Variants in PLCB1 observed in about 807,000 individuals in gnomAD.
PLCB1 encodes the protein 1-phosphatidylinositol 4,5-bisphosphate phosphodiesterase beta-1.
In PLCB1, 46 loss-of-function variants were observed where a neutral mutation model predicts 161.8. The ratio of observed to expected loss-of-function variants is 0.28; its 90% CI spans 0.22 to 0.36. The LOEUF is 0.36. PLCB1 is among the 10% of genes least tolerant of loss of function. The pLI is 1.00. For synonymous variants in PLCB1, 517 were observed against 503.7 expected (o/e 1.03, Z -0.35); for missense variants, 1,016 against 1,472.5 (o/e 0.69, Z 5.07).
In PLCB1 at chr20:8,785,026, A is replaced by G. The variant is rs149799968; in HGVS notation, c.3112-3423A>G. ...TTAAGAATGGAAGGTTGAAATGGTG[A>G]CATCCCTTTGTGGGAGCAATAATAA... On this transcript the variant is annotated intron_variant, in intron 27 of 31. Transcript: ENST00000338037. Among the ~76,000 whole-genome samples the G allele has an allele frequency of 5.6e-3, 855 of 152,262 alleles. 6 individuals are homozygous for G. The highest frequency in any genetic ancestry group is 0.02 in the African/African-American group (823 of 41,552).
chr20:8,759,215 A>G (rs1981890635), intron 24 of PLCB1, among the ~76,000 whole-genome samples: 1 of 152,182 alleles, frequency 6.6e-6, no homozygotes, highest in African/African-American at 2.4e-5. Context: ...CATTTTGACA[A>G]GAGCACCATG....
chr20:8,423,396 T>C (rs1205974529), intron 3 of PLCB1, among the ~76,000 whole-genome samples: 1 of 152,210 alleles, frequency 6.6e-6, no homozygotes, highest in Non-Finnish European at 1.5e-5. Context: ...TAAATTGTTA[T>C]GTGCCTATCC....
chr20:8,319,220 T>A (rs1457602890), intron 2 of PLCB1, among the ~76,000 whole-genome samples: 1 of 152,198 alleles, frequency 6.6e-6, no homozygotes, highest in East Asian at 1.9e-4. Flanking sequence ...GCATAACTAA[T>A]TACTCCCAAC....
At chr20:8,459,845 T>A (rs1981495469) in intron 3 of PLCB1, among the ~76,000 whole-genome samples, 1 of 152,232 alleles carries the variant, frequency 6.6e-6, no homozygotes, top group East Asian at 1.9e-4. Context: ...AACCAGAGTA[T>A]ATTCAACAAT....
At chr20:8,728,631 C>G (rs1009029729) in intron 17 of PLCB1, among the ~76,000 whole-genome samples, 1 of 152,042 alleles carries the variant, frequency 6.6e-6, no homozygotes, top group Non-Finnish European at 1.5e-5. Flanking sequence ...TTAACACATT[C>G]CAGCCTCCTT....
chr20:8,784,972 T>C (rs1048971904), intron 27 of PLCB1, among the ~76,000 whole-genome samples: 4 of 152,222 alleles, frequency 2.6e-5, no homozygotes, highest in Non-Finnish European at 4.4e-5. Flanking sequence ...GTGCCTATTT[T>C]GTCTAGAGCC....
intron 25 of PLCB1, 135 bp downstream of exon 25, chr20:8,760,595 A>G (rs1047278029): frequency 4.2e-5 from 25 of 594,926 alleles, no homozygotes; most frequent in Non-Finnish European, 6.2e-5. Flanking sequence ...AAATCTAGAG[A>G]CATACACTTT....
chr20:8,747,195 A>T (rs546719737), intron 23 of PLCB1, among the ~76,000 whole-genome samples: 1 of 152,266 alleles, frequency 6.6e-6, no homozygotes, highest in South Asian at 2.1e-4. Context: ...TCCCCCCTTT[A>T]ATCACTGGAT....
intron 3 of PLCB1, among the ~76,000 whole-genome samples, chr20:8,591,257 C>T (rs1178580203): frequency 6.6e-6 from 1 of 152,120 alleles, no homozygotes; most frequent in Non-Finnish European, 1.5e-5. Context: ...TGTAACCTAA[C>T]ACATCCACAG....
chr20:8,492,676 A>G (rs550864036), intron 3 of PLCB1, among the ~76,000 whole-genome samples: 1 of 152,184 alleles, frequency 6.6e-6, no homozygotes, highest in South Asian at 2.1e-4. Context: ...CCTAAGTGAT[A>G]ATGTAAACAT....
chr20:8,465,745 A>C (rs1314277277), intron 3 of PLCB1, among the ~76,000 whole-genome samples: 1 of 151,936 alleles, frequency 6.6e-6, no homozygotes, highest in Non-Finnish European at 1.5e-5. Flanking sequence ...ACTGGCCATC[A>C]GAGAAATGCA....
intron 2 of PLCB1, among the ~76,000 whole-genome samples, chr20:8,158,521 A>T (rs1010845893): frequency 7.9e-5 from 12 of 152,174 alleles, no homozygotes; most frequent in Admixed American, 2.0e-4. Flanking sequence ...CCCAAATCTC[A>T]TGTCCTAATA....
intron 11 of PLCB1, among the ~76,000 whole-genome samples, chr20:8,705,520 C>G (rs964687288): frequency 2.0e-5 from 3 of 152,122 alleles, no homozygotes; most frequent in East Asian, 3.9e-4. Flanking sequence ...TAGAAACATG[C>G]CCTTTAAAGC....
intron 31 of PLCB1, among the ~76,000 whole-genome samples, chr20:8,851,355 C>T (rs1412445574): frequency 6.6e-6 from 1 of 152,192 alleles, no homozygotes; most frequent in Non-Finnish European, 1.5e-5. Context: ...ATTCAAGGTC[C>T]CTAGCAATTT....
rs373073139 is a variant in PLCB1 at position 8,779,507 on chromosome 20, CAA to C, written c.3111+4815_3111+4816del. On this transcript the variant is annotated intron_variant, in intron 27 of 31. Coordinates refer to ENST00000338037, the MANE Select transcript of PLCB1 (RefSeq NM_015192.4). ...AAGCTCTGTAGACTCCACTTTTGTG[CAA>C]AAAAAAAAAAAAAAAAAAAAAAAAA... Among the ~76,000 whole-genome samples the C allele has an allele frequency of 3.9e-3, 404 of 102,376 alleles. 1 individual carries two copies. Among genetic ancestry groups the C allele is most frequent in the African/African-American group, 0.014 (377 of 26,388 alleles). 67.2% of individuals were successfully genotyped at this position (102,376 alleles called of 152,430 possible).
chr20:8,543,508 T>C (rs1248711523), intron 3 of PLCB1, among the ~76,000 whole-genome samples: 1 of 152,052 alleles, frequency 6.6e-6, no homozygotes, highest in Non-Finnish European at 1.5e-5. Flanking sequence ...AGAAATATTC[T>C]GTACCTTGAT....
intron 4 of PLCB1, among the ~76,000 whole-genome samples, chr20:8,633,963 G>C (rs906252797): frequency 6.6e-6 from 1 of 152,124 alleles, no homozygotes; most frequent in African/African-American, 2.4e-5. Context: ...TGTAATTGTA[G>C]TTTGTCCATT....
intron 2 of PLCB1, among the ~76,000 whole-genome samples, chr20:8,273,570 A>G (rs149625220): frequency 6.2e-4 from 95 of 152,278 alleles, no homozygotes; most frequent in African/African-American, 2.2e-3. Context: ...CCAGCCCGAG[A>G]AATTTCATAA....
intron 3 of PLCB1, among the ~76,000 whole-genome samples, chr20:8,605,784 T>G (rs1987740332): frequency 6.6e-6 from 1 of 152,132 alleles, no homozygotes; most frequent in Non-Finnish European, 1.5e-5. Context: ...TTTTCAACGT[T>G]CACTCTCCTC....
Sources: allele counts gnomAD v4.1 joint callset (sites outside exome capture counted in the v4.1 genomes callset), GRCh38; gene constraint gnomAD v4.1.1; transcripts MANE v1.5; gene names NCBI Gene and HGNC (gene_info 2026-07-23, HGNC 2026-07-21).